Variants in CCDC141 observed in about 807,000 individuals in gnomAD.
CCDC141 encodes the protein coiled-coil domain-containing protein 141.
CCDC141 carries 168 observed loss-of-function variants against 181.0 expected under a neutral mutation model. The observed-to-expected ratio is 0.93, with a 90% CI of 0.82 to 1.05. The LOEUF (loss-of-function observed/expected upper bound fraction) is 1.05. Among genes scored for constraint, CCDC141 ranks in the 50% least tolerant of loss-of-function variants. The probability of loss-of-function intolerance (pLI) is 0.00; values close to 1 mark genes in which losing one functional copy is unlikely to be tolerated. For missense variants in CCDC141, 1,902 were observed against 1,788.5 expected, an observed-to-expected ratio of 1.06 and a Z score of -1.14; for synonymous variants, 666 against 642.3, an observed-to-expected ratio of 1.04 and a Z score of -0.56.
chr2:178,900,528 T>C (rs369569593), intron 8 of CCDC141, among the ~76,000 whole-genome samples: 3 of 152,094 alleles, frequency 2.0e-5, no homozygotes, highest in Admixed American at 6.6e-5. Flanking sequence ...TTGTTTTTTG[T>C]AGTTGAATGA....
At chr2:178,827,095 T>C (rs1389832632), downstream of CCDC141, among the ~76,000 whole-genome samples, 1 of 152,186 alleles carries the variant, frequency 6.6e-6, no homozygotes, top group Admixed American at 6.5e-5. Flanking sequence ...AAATCCTTAT[T>C]GAGATTTTTT....
In CCDC141 at chr2:178,853,536, A is replaced by T. The variant is rs768432675; in HGVS notation, c.3149T>A (p.Ile1050Asn). The T allele has an allele frequency of 6.2e-7, 1 of 1,614,126 alleles. No homozygotes were observed. Among genetic ancestry groups the T allele is most frequent in the South Asian group, 1.1e-5 (1 of 91,086 alleles). Residue 1050 changes from isoleucine to asparagine, a missense_variant, in exon 20 of 24, where the codon ATT (isoleucine) becomes AAT (asparagine). By Grantham distance (149) the Ile-to-Asn change is moderately radical. Coordinates refer to ENST00000443758, the MANE Select transcript of CCDC141 (RefSeq NM_173648.4). ...TECKTKEAVK[I>N]LHQQFNKFIA... Reference sequence around the variant, plus strand: ...AAACTTATTAAACTGCTGGTGGAGAATTTTCACAGCTTCCTTTGTCTTGCA... The same window carrying T: ...AAACTTATTAAACTGCTGGTGGAGATTTTTCACAGCTTCCTTTGTCTTGCA...
rs1254809320 is a variant in CCDC141 at position 178,832,217 on chromosome 2, C to G, written c.*1956G>C. ...GATTCACACATTATTTGAAATTGGA[C>G]AAAAAGGATACAAGAGGCCGGCTAT... On this transcript the variant is annotated 3_prime_UTR_variant, in exon 24 of 24. Transcript: ENST00000443758. 1 of 151,994 alleles carries G rather than the reference C, an allele frequency of 6.6e-6. No individual in the cohort carries two copies. Among genetic ancestry groups the G allele is most frequent in the Non-Finnish European group, 1.5e-5 (1 of 68,006 alleles). The allele number at this position is 151,994 out of a possible 1,614,324, so 9.4% of individuals were successfully genotyped here. A position where few individuals can be genotyped will look rare whatever the true frequency, so the allele number is the denominator to read the frequency against.
chr2:178,845,546 C>T (rs1684897677), intron 22 of CCDC141, 80 bp downstream of exon 22: 2 of 778,018 alleles, frequency 2.6e-6, no homozygotes. Flanking sequence ...AGCTGCAATT[C>T]ACTTTTATTT....
At chr2:179,012,802 T>C (rs1040239183) in intron 2 of CCDC141, among the ~76,000 whole-genome samples, 1 of 152,140 alleles carries the variant, frequency 6.6e-6, no homozygotes, top group Non-Finnish European at 1.5e-5. Context: ...GATGCAGGGA[T>C]AGCTTAACAT....
chr2:178,938,910 C>T (rs1689398402), intron 6 of CCDC141, among the ~76,000 whole-genome samples: 2 of 152,116 alleles, frequency 1.3e-5, no homozygotes, highest in South Asian at 4.1e-4. Flanking sequence ...TATTGCATTG[C>T]TCCCAGAACG....
intron 5 of CCDC141, among the ~76,000 whole-genome samples, chr2:178,959,239 A>G (rs1253096679): frequency 6.6e-6 from 1 of 152,114 alleles, no homozygotes; most frequent in Non-Finnish European, 1.5e-5. Context: ...ACATGTGTAC[A>G]TATGTAACAA....
chr2:178,821,881 A>G, the CCDC141 span, among the ~76,000 whole-genome samples: 1 of 152,188 alleles, frequency 6.6e-6, no homozygotes, highest in Non-Finnish European at 1.5e-5. Flanking sequence ...TAGAAATACC[A>G]TTTGACCCAG....
intron 2 of CCDC141, among the ~76,000 whole-genome samples, chr2:179,006,642 C>T (rs1294472394): frequency 6.6e-6 from 1 of 152,134 alleles, no homozygotes; most frequent in Admixed American, 6.5e-5. Flanking sequence ...TTGTCTAACA[C>T]ATTTCGTACA....
intron 7 of CCDC141, among the ~76,000 whole-genome samples, chr2:178,916,099 C>T (rs1411318635): frequency 6.6e-6 from 1 of 152,092 alleles, no homozygotes; most frequent in Non-Finnish European, 1.5e-5. Context: ...AAATCTCAAA[C>T]CCCTCACAGT....
rs534384044 is a variant in CCDC141 at position 178,953,162 on chromosome 2, C to G, written c.780+8068G>C. On this transcript the variant is annotated intron_variant, in intron 5 of 23. Coordinates refer to ENST00000443758, the MANE Select transcript of CCDC141 (RefSeq NM_173648.4). ...TAAAACATGTTCACATTCGGCTGGG[C>G]GTGGTGGCTCACGCCTATAATCCCA... 2.0e-5 allele frequency among the ~76,000 whole-genome samples: 3 copies of G among 152,272 alleles called. No homozygotes were observed. The East Asian group carries it at 5.8e-4, about 29-fold the overall frequency.
chr2:178,879,679 T>C (rs1157151596), intron 11 of CCDC141, among the ~76,000 whole-genome samples: 4 of 152,142 alleles, frequency 2.6e-5, no homozygotes, highest in Non-Finnish European at 4.4e-5. Flanking sequence ...CAGACAATAT[T>C]ATGGGCACAC....
In CCDC141 at chr2:178,871,415, A is replaced by G. The variant is rs1289098585; in HGVS notation, c.2205+12T>C. 6 of 1,609,968 alleles carry G rather than the reference A, an allele frequency of 3.7e-6. No homozygotes were observed. The highest frequency in any genetic ancestry group is 2.2e-5 in the East Asian group (1 of 44,758). Reference sequence around the variant, plus strand: ...TTTCCATTCACCCAAATCCAGCAATATATTTCTTCACCTGGAACTGAGGCT... The same window carrying G: ...TTTCCATTCACCCAAATCCAGCAATGTATTTCTTCACCTGGAACTGAGGCT... On this transcript the variant is annotated intron_variant, in intron 14 of 23. Coordinates refer to ENST00000443758, the MANE Select transcript of CCDC141 (RefSeq NM_173648.4).
At chr2:178,850,880 C>A (rs1286475030) in intron 20 of CCDC141, among the ~76,000 whole-genome samples, 1 of 152,184 alleles carries the variant, frequency 6.6e-6, no homozygotes, top group Non-Finnish European at 1.5e-5. Flanking sequence ...CTACTACTAT[C>A]CACATTTTAC....
At chr2:178,822,626 A>G in the CCDC141 span, among the ~76,000 whole-genome samples, 1 of 152,116 alleles carries the variant, frequency 6.6e-6, no homozygotes, top group Non-Finnish European at 1.5e-5. Context: ...ATTTCAATTT[A>G]CTTGCATAAA....
At chr2:178,940,439 T>C (rs1689461455) in intron 6 of CCDC141, among the ~76,000 whole-genome samples, 1 of 152,200 alleles carries the variant, frequency 6.6e-6, no homozygotes, top group Admixed American at 6.5e-5. Context: ...TAACTCTGTA[T>C]TTTAGAAATA....
intron 2 of CCDC141, among the ~76,000 whole-genome samples, chr2:179,001,369 T>C (rs952054469): frequency 2.6e-5 from 4 of 151,236 alleles, no homozygotes. Flanking sequence ...CTAAATGTGC[T>C]GATGTGCAGC....
chr2:178,857,628 C>T (rs573036530), intron 17 of CCDC141, among the ~76,000 whole-genome samples: 2 of 152,208 alleles, frequency 1.3e-5, no homozygotes, highest in African/African-American at 4.8e-5. Context: ...ATAAGCATAT[C>T]GACAGGCAAC....
intron 2 of CCDC141, among the ~76,000 whole-genome samples, chr2:179,039,840 G>C (rs992243230): frequency 2.0e-5 from 3 of 152,084 alleles, no homozygotes; most frequent in African/African-American, 7.2e-5. Context: ...TAGTAAATTG[G>C]TTGAATTTAT....
Sources: allele counts gnomAD v4.1 joint callset (sites outside exome capture counted in the v4.1 genomes callset), GRCh38; gene constraint gnomAD v4.1.1; transcripts MANE v1.5; gene names NCBI Gene and HGNC (gene_info 2026-07-23, HGNC 2026-07-21).